EEPD1: variants seen among roughly 807,000 people sequenced by gnomAD.
The protein encoded by EEPD1 is endonuclease/exonuclease/phosphatase family domain containing 1.
Under a neutral mutation model 46.3 loss-of-function variants are expected in EEPD1, and 17 were observed. The ratio of observed to expected loss-of-function variants is 0.37; its 90% CI spans 0.25 to 0.55. The LOEUF (loss-of-function observed/expected upper bound fraction) is 0.55. Ranked by LOEUF, EEPD1 falls within the 20% of genes least tolerant of loss-of-function variation. EEPD1 has a pLI of 0.83. For synonymous variants in EEPD1, 313 were observed against 315.6 expected (o/e 0.99, Z 0.09); for missense variants, 673 against 745.6 (o/e 0.90, Z 1.13).
At chr7:36,224,739 G>A (rs1188337915) in intron 2 of EEPD1, among the ~76,000 whole-genome samples, 1 of 152,040 alleles carries the variant, frequency 6.6e-6, no homozygotes, top group Non-Finnish European at 1.5e-5. Context: ...ATTAGCAAGA[G>A]TATAGAAAAG....
rs1787617554 is a variant in EEPD1, at chr7:36,301,161, A to G, written c.*1955A>G. On this transcript the variant is annotated 3_prime_UTR_variant, in exon 8 of 8. Coordinates refer to ENST00000242108, the MANE Select transcript of EEPD1 (RefSeq NM_030636.3). ...TTGTGTTCGTAATCGGGCTTGAGCC[A>G]GAGGCTGGGGAGCTGAGTCCCAGCC... 1 of 152,246 alleles carries G rather than the reference A, an allele frequency of 6.6e-6. No homozygotes were observed. Among genetic ancestry groups the G allele is most frequent in the Admixed American group, 6.5e-5 (1 of 15,290 alleles). 9.4% of individuals were successfully genotyped at this position (152,246 alleles called of 1,614,324 possible).
chr7:36,279,335 C>T (rs183145682), intron 3 of EEPD1, among the ~76,000 whole-genome samples: 83 of 152,272 alleles, frequency 5.5e-4, no homozygotes, highest in Admixed American at 2.7e-3. Flanking sequence ...GTAAAAGCAG[C>T]GTCACTCCTA....
chr7:36,208,935 T>A (rs1785873082), intron 2 of EEPD1, among the ~76,000 whole-genome samples: 8 of 152,212 alleles, frequency 5.3e-5, no homozygotes, highest in Admixed American at 5.2e-4. Context: ...AACAAGCTCC[T>A]GGGTGATCCC....
intron 3 of EEPD1, among the ~76,000 whole-genome samples, chr7:36,273,942 T>C (rs572422804): frequency 3.3e-5 from 5 of 152,240 alleles, no homozygotes; most frequent in Non-Finnish European, 7.3e-5. Flanking sequence ...GGGAATGGCC[T>C]GCCTCTTCTC....
At chr7:36,288,990 C>T (rs568436806) in intron 6 of EEPD1, among the ~76,000 whole-genome samples, 48 of 152,294 alleles carry the variant, frequency 3.2e-4, no homozygotes, top group Admixed American at 1.7e-3. Context: ...GACCAATATT[C>T]TCTAGCTTTC....
rs989455276 is a variant in EEPD1, at chr7:36,277,877, A to G, written c.931-3238A>G. ...GAGGTTATTAAAGGACAGGGCTTCA[A>G]GCATACAGAATAAAGATGGCCCTTA... On this transcript the variant is annotated intron_variant, in intron 3 of 7. Transcript: ENST00000242108. Among the ~76,000 whole-genome samples, 4 of 152,256 alleles carry G rather than the reference A, an allele frequency of 2.6e-5. No individual in the cohort carries two copies. In the East Asian group the frequency reaches 7.7e-4, roughly 29 times the overall value.
chr7:36,178,036 G>T (rs1428921989), intron 2 of EEPD1, among the ~76,000 whole-genome samples: 1 of 152,146 alleles, frequency 6.6e-6, no homozygotes, highest in African/African-American at 2.4e-5. Flanking sequence ...TTATGTCTCA[G>T]TGTTTCATTA....
chr7:36,242,446 G>GTTCA (rs982400461), intron 3 of EEPD1, among the ~76,000 whole-genome samples: 8 of 152,114 alleles, frequency 5.3e-5, no homozygotes, highest in South Asian at 2.1e-4. Flanking sequence ...CCTTCCTTCT[G>GTTCA]TTCATTCATT....
In EEPD1 at chr7:36,281,272, C is replaced by T. The variant is rs375693705; in HGVS notation, c.1041+47C>T. ...GGCCTTTCCCTTCATTTAATTTATA[C>T]ATACTTTTCCCCTAATCAAGGGCAT... On this transcript the variant is annotated intron_variant, in intron 4 of 7. Transcript: ENST00000242108. The T allele has an allele frequency of 2.6e-5, 40 of 1,532,666 alleles. No homozygotes were observed. In the African/African-American group the frequency reaches 5.2e-4, roughly 20 times the overall value. 94.9% of individuals were successfully genotyped at this position (1,532,666 alleles called of 1,614,324 possible).
intron 2 of EEPD1, among the ~76,000 whole-genome samples, chr7:36,236,013 C>T (rs1307044388): frequency 6.6e-6 from 1 of 151,926 alleles, no homozygotes; most frequent in Admixed American, 6.6e-5. Context: ...CAGCCTCGAC[C>T]TCCCGGGCTC....
intron 2 of EEPD1, among the ~76,000 whole-genome samples, chr7:36,186,899 ATCTACTG>A (rs1785368134): frequency 6.6e-6 from 1 of 152,252 alleles, no homozygotes; most frequent in Non-Finnish European, 1.5e-5. Context: ...AGGTTAGCTC[ATCTACTG>A]TTACGATTGT....
chr7:36,268,333 G>A (rs1392882006), intron 3 of EEPD1, among the ~76,000 whole-genome samples: 1 of 152,034 alleles, frequency 6.6e-6, no homozygotes, highest in Admixed American at 6.6e-5. Flanking sequence ...GCTAATTTTT[G>A]TATTTTTAGT....
chr7:36,188,185 G>A (rs976652815), intron 2 of EEPD1, among the ~76,000 whole-genome samples: 44 of 152,052 alleles, frequency 2.9e-4, no homozygotes, highest in Admixed American at 2.6e-3. Flanking sequence ...GTTGGTCTAT[G>A]AGTCTCTTTC....
intron 3 of EEPD1, among the ~76,000 whole-genome samples, chr7:36,261,571 C>T (rs973166667): frequency 6.6e-6 from 1 of 152,170 alleles, no homozygotes; most frequent in Non-Finnish European, 1.5e-5. Context: ...CTAACAATGA[C>T]TTGGTGCTGA....
intron 2 of EEPD1, among the ~76,000 whole-genome samples, chr7:36,196,896 C>T (rs1257607136): frequency 1.3e-5 from 2 of 151,308 alleles, no homozygotes; most frequent in African/African-American, 4.9e-5. Context: ...TGAGGAGCCC[C>T]TCTGCCTGGC....
At chr7:36,219,964 G>C (rs928297886) in intron 2 of EEPD1, among the ~76,000 whole-genome samples, 1 of 152,106 alleles carries the variant, frequency 6.6e-6, no homozygotes, top group African/African-American at 2.4e-5. Context: ...GCCCCTGGAA[G>C]TCCATCCCAC....
In EEPD1 at chr7:36,170,418, A is replaced by C. The variant is rs11768392; in HGVS notation, c.878+15216A>C. 7.3e-3 allele frequency among the ~76,000 whole-genome samples: 1,112 copies of C among 152,238 alleles called. 6 individuals are homozygous for C. Among genetic ancestry groups the C allele is most frequent in the Non-Finnish European group, 0.013 (894 of 68,022 alleles). ...AGTAAGACTCTGTCTCAAAAAAAAA[A>C]AGTATATATTTTGTATATATAAAAT... On this transcript the variant is annotated intron_variant, in intron 2 of 7. Coordinates refer to ENST00000242108, the MANE Select transcript of EEPD1 (RefSeq NM_030636.3).
intron 5 of EEPD1, 35 bp downstream of exon 5, chr7:36,284,855 G>A: frequency 1.4e-6 from 2 of 1,431,612 alleles, no homozygotes; most frequent in South Asian, 3.0e-5. Context: ...CGTGGAATCT[G>A]CTTCTTTCTA....
At chr7:36,260,869 C>G (rs1786909883) in intron 3 of EEPD1, among the ~76,000 whole-genome samples, 1 of 152,200 alleles carries the variant, frequency 6.6e-6, no homozygotes, top group Non-Finnish European at 1.5e-5. Context: ...TGAACTTGTA[C>G]AGACTTTTTT....
Sources: allele counts gnomAD v4.1 joint callset (sites outside exome capture counted in the v4.1 genomes callset), GRCh38; gene constraint gnomAD v4.1.1; transcripts MANE v1.5; gene names NCBI Gene and HGNC (gene_info 2026-07-23, HGNC 2026-07-21).